The following LRIT1 variants were observed in gnomAD, a reference collection of about 807,000 sequenced individuals.
LRIT1 encodes the protein leucine-rich repeat, immunoglobulin-like domain and transmembrane domain-containing protein 1.
Under a neutral mutation model 24.0 loss-of-function variants are expected in LRIT1, and 23 were observed. That is an observed-to-expected ratio of 0.96 (90% confidence interval 0.69 to 1.36). The LOEUF is 1.36. LRIT1 is among the 40% of genes most tolerant of loss of function. LRIT1 has a pLI of 0.00. For synonymous variants in LRIT1, 361 were observed against 340.5 expected, an observed-to-expected ratio of 1.06 and a Z score of -0.66; for missense variants, 846 against 806.3, an observed-to-expected ratio of 1.05 and a Z score of -0.60.
intron 1 of LRIT1, among the ~76,000 whole-genome samples, chr10:84,239,171 C>T (rs747226813): frequency 2.0e-5 from 3 of 152,238 alleles, no homozygotes; most frequent in Non-Finnish European, 2.9e-5. Context: ...ACATGGAACT[C>T]TTACTAAGTG....
chr10:84,237,438 C>T lies in LRIT1; in HGVS notation c.371G>A (p.Trp124Ter). 1.9e-6 allele frequency: 3 copies of T among 1,551,076 alleles called. No individual in the cohort carries two copies. Among genetic ancestry groups the T allele is most frequent in the Non-Finnish European group, 2.6e-6 (3 of 1,150,630 alleles). The change falls in exon 2 of 4, where the codon TGG (tryptophan) becomes TAG (stop). Residue 124 changes from tryptophan (W) to a stop codon, truncating the protein, a stop_gained. Transcript: ENST00000372105. LOFTEE classifies it high-confidence loss of function. ...CTTGGGGGCGTCCCTGAGCGCCGCC[C>T]AGGGGAAGGCGGCCAGGCGGTTCCC... Reference protein sequence around the residue: ...LPGNRLAAFPWAALRDAPKLR... With the variant: ...LPGNRLAAFP
chr10:84,237,950 C>G (rs1394425478), intron 1 of LRIT1, among the ~76,000 whole-genome samples: 1 of 152,196 alleles, frequency 6.6e-6, no homozygotes, highest in Non-Finnish European at 1.5e-5. Context: ...CCCACCCTTA[C>G]ACTGTTACGA....
At position 84,237,480 on chromosome 10, in the gene LRIT1, C is replaced by T. The variant is rs548837672; in HGVS notation, c.329G>A (p.Arg110Gln). Residue 110 changes from arginine to glutamine, a missense_variant, in exon 2 of 4, where the codon CGG (arginine) becomes CAG (glutamine). Physicochemically the swap from Arg to Gln is conservative, Grantham distance 43. Coordinates refer to ENST00000372105, the MANE Select transcript of LRIT1 (RefSeq NM_015613.3). ...ALMLRGLRRL[R>Q]ELRLPGNRLA... ...GCGGTTCCCGGGCAGCCGCAGCTCCCGCAGGCGTCGCAGGCCCCGCAGCAT... is the reference window on the plus strand; with the variant it reads ...GCGGTTCCCGGGCAGCCGCAGCTCCTGCAGGCGTCGCAGGCCCCGCAGCAT... The T allele has an allele frequency of 1.2e-5, 19 of 1,585,460 alleles. No individual in the cohort carries two copies. In the African/African-American group the frequency reaches 2.0e-4, roughly 17 times the overall value.
chr10:84,237,650 G>C lies in LRIT1; in HGVS notation c.159C>G (p.Pro53=), dbSNP rs1484751288. Residue 53 remains proline, a synonymous_variant, in exon 2 of 4, where the codon CCC becomes CCG. Transcript: ENST00000372105. ...AGGTGTCCGGGGGGATGGACGCCGG[G>C]GGCAGGGTCATGTCGGGGTCGTTGC... ...VVCNDPDMTL[P]PASIPPDTSR... 8.1e-6 allele frequency: 13 copies of C among 1,604,834 alleles called. No homozygotes were observed. Among genetic ancestry groups the C allele is most frequent in the Non-Finnish European group, 1.1e-5 (13 of 1,178,536 alleles).
chr10:84,237,770 C>A, intron 1 of LRIT1, 84 bp from the exon 2 acceptor site: 1 of 1,073,706 alleles, frequency 9.3e-7, no homozygotes, highest in South Asian at 1.5e-5. Context: ...GCGAGGCCTC[C>A]AGTTCTGCCT....
Position 84,232,034 on chromosome 10 carries a change from G to A in LRIT1, c.1765C>T (p.Arg589Trp), listed in dbSNP as rs370042503. ...YSEDGLEELS[R>W]HSVSEADRLL... Reference sequence around the variant, plus strand: ...CTGTCAGCCTCGCTGACACTGTGCCGGGACAGCTCCTCCAAGCCGTCCTCG... The same window carrying A: ...CTGTCAGCCTCGCTGACACTGTGCCAGGACAGCTCCTCCAAGCCGTCCTCG... The change falls in exon 4 of 4, where the codon CGG (arginine) becomes TGG (tryptophan). Residue 589 changes from arginine to tryptophan, a missense_variant. Arg to Trp is a moderately radical substitution (Grantham distance 101). Coordinates refer to ENST00000372105, the MANE Select transcript of LRIT1 (RefSeq NM_015613.3). The A allele has an allele frequency of 1.8e-5, 29 of 1,614,096 alleles. No individual in the cohort carries two copies. The highest frequency in any genetic ancestry group is 1.6e-4 in the Middle Eastern group (1 of 6,062).
rs373688959 is a variant in LRIT1 at position 84,232,632 on chromosome 10, G to A, written c.1167C>T (p.Pro389=). 20 of 1,613,596 alleles carry A rather than the reference G, an allele frequency of 1.2e-5. No individual in the cohort carries two copies. Among genetic ancestry groups the A allele is most frequent in the East Asian group, 2.2e-5 (1 of 44,872 alleles). Residue 389 remains proline (P), a synonymous_variant, in exon 4 of 4, where the codon CCC becomes CCT. Transcript: ENST00000372105. ...VARHVPQIPK[P]AVLATGPSVP... The stretch of plus-strand genomic sequence containing the variant: ...CAGAGGGTCCAGTGGCCAGGACAGC[G>A]GGTTTGGGAATCTGGGGGACATGCC...
intron 1 of LRIT1, among the ~76,000 whole-genome samples, chr10:84,239,030 C>T (rs1286173875): frequency 6.6e-6 from 1 of 152,186 alleles, no homozygotes; most frequent in African/African-American, 2.4e-5. Context: ...GAGGTGCACA[C>T]ACATATCACC....
At chr10:84,233,685 T>C (rs954749410) in intron 3 of LRIT1, among the ~76,000 whole-genome samples, 1 of 152,346 alleles carries the variant, frequency 6.6e-6, no homozygotes, top group South Asian at 2.1e-4. Context: ...CATGAAGAGC[T>C]CGATAGATGG....
At chr10:84,236,981 A>G (rs1240445195) in intron 2 of LRIT1, among the ~76,000 whole-genome samples, 3 of 152,118 alleles carry the variant, frequency 2.0e-5, no homozygotes, top group Admixed American at 6.6e-5. Flanking sequence ...TGAGTTGGGA[A>G]ATTGAGTCTC....
rs1238128947 is a variant in LRIT1 at position 84,237,384 on chromosome 10, C to T, written c.425G>A (p.Arg142His). ...KLRLLDLQAN[R>H]LSAVPAEAAR... Reference sequence around the variant, plus strand: ...GGCCTCAGCGGGCACAGCCGAGAGGCGGTTGGCCTGCAGGTCCAGCAGCCG... The same window carrying T: ...GGCCTCAGCGGGCACAGCCGAGAGGTGGTTGGCCTGCAGGTCCAGCAGCCG... The change falls in exon 2 of 4, where the codon CGC (arginine) becomes CAC (histidine). Residue 142 changes from arginine to histidine, a missense_variant. Coordinates refer to ENST00000372105, the MANE Select transcript of LRIT1 (RefSeq NM_015613.3). 5.8e-6 allele frequency: 9 copies of T among 1,548,630 alleles called. No homozygotes were observed. The highest frequency in any genetic ancestry group is 7.8e-6 in the Non-Finnish European group (9 of 1,146,880).
intron 2 of LRIT1, 69 bp from the exon 3 acceptor site, chr10:84,234,447 C>A: frequency 7.7e-7 from 1 of 1,300,654 alleles, no homozygotes; most frequent in Non-Finnish European, 1.0e-6. Flanking sequence ...AGCACCCCTT[C>A]CCCTCTGGAA....
intron 2 of LRIT1, among the ~76,000 whole-genome samples, 177 bp downstream of exon 2, chr10:84,237,043 A>ATATGAACTGCC (rs1332813743): frequency 6.6e-6 from 1 of 152,202 alleles, no homozygotes; most frequent in East Asian, 1.9e-4. Context: ...TATGACTGCG[A>ATATGAACTGCC]TATGAACTGC....
intron 2 of LRIT1, 52 bp from the exon 3 acceptor site, chr10:84,234,430 C>T (rs1447308322): frequency 1.4e-6 from 2 of 1,407,118 alleles, no homozygotes; most frequent in East Asian, 4.8e-5. Context: ...TCAACGTCCT[C>T]AGGCCCAGCA....
Position 84,231,931 on chromosome 10 carries a change from C to A in LRIT1, c.1868G>T (p.Cys623Phe). The A allele has an allele frequency of 6.2e-7, 1 of 1,602,364 alleles. No homozygotes were observed. ...KGGRRINEYF[C>F] ...TGAGTTGCGGAGGCATATCCCTCAG[C>A]AGAAGTACTCATTGATTCTCCTGCC... is the stretch of plus-strand genomic sequence containing the variant. The change falls in exon 4 of 4, where the codon TGC becomes TTC. Residue 623 changes from cysteine to phenylalanine, a missense_variant. Coordinates refer to ENST00000372105, the MANE Select transcript of LRIT1 (RefSeq NM_015613.3).
In LRIT1 at chr10:84,232,736, T is replaced by C; in HGVS notation, c.1063A>G (p.Ser355Gly). Residue 355 changes from serine to glycine, a missense_variant, in exon 4 of 4, where the codon AGT becomes GGT. Ser to Gly is a moderately conservative substitution (Grantham distance 56). Transcript: ENST00000372105. ...VTEPPTSTEH[S>G]GSPGALWART... is the part of the protein sequence containing the mutation. ...GCCCATAGTGCTCCTGGGCTCCCAC[T>C]GTGTTCTGTGGAAGTCGGTGGCTCA... 6.2e-7 allele frequency: 1 copy of C among 1,614,096 alleles called. No individual in the cohort carries two copies. The highest frequency in any genetic ancestry group is 8.5e-7 in the Non-Finnish European group (1 of 1,179,992).
chr10:84,236,251 G>A (rs1243643687), intron 2 of LRIT1, among the ~76,000 whole-genome samples: 10 of 151,504 alleles, frequency 6.6e-5, no homozygotes, highest in East Asian at 2.0e-4. Flanking sequence ...AGCCGAGGTC[G>A]TGCCACTGGA....
rs756310747 is a variant in LRIT1, at chr10:84,232,213, T to C, written c.1586A>G (p.Asn529Ser). 15 of 1,614,008 alleles carry C rather than the reference T, an allele frequency of 9.3e-6. No individual in the cohort carries two copies. The highest frequency in any genetic ancestry group is 1.6e-4 in the Middle Eastern group (1 of 6,084). ...VDAENTQQLINVVVISVAIVI... is the reference protein window; with the variant it reads ...VDAENTQQLISVVVISVAIVI... Reference sequence around the variant, plus strand: ...GATGGCCACACTGATCACCACCACATTGATAAGCTGCTGAGTGTTCTCAGC... The same window carrying C: ...GATGGCCACACTGATCACCACCACACTGATAAGCTGCTGAGTGTTCTCAGC... Residue 529 changes from asparagine to serine, a missense_variant, in exon 4 of 4, where the codon AAT becomes AGT. Coordinates refer to ENST00000372105, the MANE Select transcript of LRIT1 (RefSeq NM_015613.3).
At position 84,234,386 on chromosome 10, in the gene LRIT1, A is replaced by G. The variant is rs3829858; in HGVS notation, c.590-8T>C. On this transcript the variant is annotated splice_region_variant and splice_polypyrimidine_tract_variant and intron_variant, in intron 2 of 3. Coordinates refer to ENST00000372105, the MANE Select transcript of LRIT1 (RefSeq NM_015613.3). ...AGGGGTTGTCCTGTAGCCCTGCAGG[A>G]GTAAAAAAGAAGACAAGATATTCAG... The G allele has an allele frequency of 0.47, 710,924 of 1,509,068 alleles. 174,663 individuals carry two copies. Among genetic ancestry groups the G allele is most frequent in the African/African-American group, 0.86 (61,599 of 71,318 alleles). The allele number at this position is 1,509,068 out of a possible 1,614,324, so 93.5% of individuals were successfully genotyped here.
Sources: allele counts gnomAD v4.1 joint callset (sites outside exome capture counted in the v4.1 genomes callset), GRCh38; gene constraint gnomAD v4.1.1; transcripts MANE v1.5; gene names NCBI Gene and HGNC (gene_info 2026-07-23, HGNC 2026-07-21).